SH3PXD2A: variants seen among roughly 807,000 people sequenced by gnomAD.
SH3PXD2A encodes the protein SH3 and PX domains 2A, also known as SH3 and PX domain-containing protein 2A.
In SH3PXD2A, 32 loss-of-function variants were observed where a neutral mutation model predicts 115.2. The ratio of observed to expected loss-of-function variants is 0.28; its 90% CI spans 0.21 to 0.37. The LOEUF is 0.37. SH3PXD2A is among the 10% of genes least tolerant of loss of function. SH3PXD2A has a pLI of 1.00. For synonymous variants in SH3PXD2A, 610 were observed against 629.1 expected (o/e 0.97, Z 0.45); for missense variants, 1,328 against 1,498.7 (o/e 0.89, Z 1.88).
Position 103,598,955 on chromosome 10 carries a change from T to C in SH3PXD2A, c.*2861A>G, listed in dbSNP as rs1212916025. On this transcript the variant is annotated 3_prime_UTR_variant, in exon 15 of 15. Transcript: ENST00000369774. ...GCAATCCCTGTTCACTGCCCAAATC[T>C]ACATGCTGTCACCAGATGGCAGCAT... 1 of 152,598 alleles carries C rather than the reference T, an allele frequency of 6.6e-6. No homozygotes were observed. The highest frequency in any genetic ancestry group is 6.5e-5 in the Admixed American group (1 of 15,278). 9.5% of individuals were successfully genotyped at this position (152,598 alleles called of 1,614,324 possible).
chr10:103,736,892 A>C (rs1173668769), intron 3 of SH3PXD2A: 1 of 712,034 alleles, frequency 1.4e-6, no homozygotes, highest in Non-Finnish European at 2.2e-6. Flanking sequence ...ACCCCCTAGC[A>C]ACAAAGGTAG....
chr10:103,709,432 C>T lies in SH3PXD2A; in HGVS notation c.398+14838G>A, dbSNP rs546175158. On this transcript the variant is annotated intron_variant, in intron 5 of 14. Coordinates refer to ENST00000369774, the MANE Select transcript of SH3PXD2A (RefSeq NM_001394015.1). ...AAGCCTGGGACCAGGGGCAAACCCT[C>T]CCACCTTGCCTCTCACTGGGACACA... Among the ~76,000 whole-genome samples the T allele has an allele frequency of 2.0e-3, 312 of 152,288 alleles. 2 individuals carry two copies. The highest frequency in any genetic ancestry group is 3.6e-3 in the Non-Finnish European group (247 of 68,028).
At position 103,855,492 on chromosome 10, in the gene SH3PXD2A, C is replaced by G. The variant is rs1842932590; in HGVS notation, c.-226G>C. ...CCCCGGGGGACTCCCCGCCGGCCTG[C>G]CGCGCGCCCCTTCACTCCCGCGCGG... On this transcript the variant is annotated 5_prime_UTR_variant, in exon 1 of 15. Transcript: ENST00000369774. The G allele has an allele frequency of 6.5e-6, 1 of 154,602 alleles. No homozygotes were observed. The highest frequency in any genetic ancestry group is 1.4e-5 in the Non-Finnish European group (1 of 70,740). The allele number at this position is 154,602 out of a possible 1,614,324, so 9.6% of individuals were successfully genotyped here.
intron 8 of SH3PXD2A, among the ~76,000 whole-genome samples, chr10:103,635,747 C>T (rs902809662): frequency 2.8e-5 from 4 of 142,508 alleles, no homozygotes; most frequent in African/African-American, 5.5e-5. Context: ...GTCCTTCCAT[C>T]GGGCCATGTC....
chr10:103,748,408 C>T (rs2038533445), intron 3 of SH3PXD2A, among the ~76,000 whole-genome samples: 1 of 152,196 alleles, frequency 6.6e-6, no homozygotes, highest in Non-Finnish European at 1.5e-5. Context: ...GGCCAGCTTT[C>T]CTGACGGGGT....
chr10:103,624,456 G>A (rs1243590408), intron 9 of SH3PXD2A, among the ~76,000 whole-genome samples: 3 of 152,140 alleles, frequency 2.0e-5, no homozygotes, highest in Admixed American at 6.5e-5. Flanking sequence ...GTTCACTGAA[G>A]CACCCTGCGA....
chr10:103,783,426 A>G (rs967151476), intron 2 of SH3PXD2A, among the ~76,000 whole-genome samples: 1 of 143,218 alleles, frequency 7.0e-6, no homozygotes, highest in Non-Finnish European at 1.5e-5. Context: ...ATGCAGAGGA[A>G]GAGGGCAGAT....
chr10:103,753,369 G>A (rs1253038896), intron 3 of SH3PXD2A, among the ~76,000 whole-genome samples: 1 of 147,944 alleles, frequency 6.8e-6, no homozygotes, highest in Non-Finnish European at 1.5e-5. Context: ...AGTGGTGGGC[G>A]CCTGTAATCC....
intron 5 of SH3PXD2A, among the ~76,000 whole-genome samples, chr10:103,720,015 C>T (rs1182654737): frequency 1.3e-5 from 2 of 152,170 alleles, no homozygotes; most frequent in South Asian, 2.1e-4. Flanking sequence ...CCACCGTGCC[C>T]GGCCACACTA....
intron 2 of SH3PXD2A, among the ~76,000 whole-genome samples, chr10:103,790,506 G>C (rs1043739556): frequency 6.6e-6 from 1 of 152,162 alleles, no homozygotes; most frequent in Non-Finnish European, 1.5e-5. Flanking sequence ...GAGTGAGCTA[G>C]AAGCGAGAGT....
chr10:103,627,244 AGGGTGGCAG>A lies in SH3PXD2A; in HGVS notation c.605-51_605-43del, dbSNP rs1564847878. On this transcript the variant is annotated intron_variant, in intron 8 of 14. Transcript: ENST00000369774. The surrounding 1 kb of genome is among the most constrained non-coding windows in gnomAD (Gnocchi z 4.4). ...AGAGAACAGGACTGTGAGATTCTGC[AGGGTGGCAG>A]GGGTGGCTCGGGGGCCAGGACAAGG... 1 of 1,243,278 alleles carries A rather than the reference AGGGTGGCAG, an allele frequency of 8.0e-7. No individual in the cohort carries two copies. Among genetic ancestry groups the A allele is most frequent in the Non-Finnish European group, 1.2e-6 (1 of 846,354 alleles). 77.0% of individuals were successfully genotyped at this position (1,243,278 alleles called of 1,614,324 possible).
At chr10:103,729,399 G>C (rs1040231233) in intron 4 of SH3PXD2A, among the ~76,000 whole-genome samples, 5 of 152,222 alleles carry the variant, frequency 3.3e-5, no homozygotes, top group Admixed American at 3.3e-4. Flanking sequence ...ACTGTTAATA[G>C]CTCTAACTAA....
intron 13 of SH3PXD2A, among the ~76,000 whole-genome samples, chr10:103,608,124 C>T (rs1303468886): frequency 3.5e-4 from 12 of 34,032 alleles, no homozygotes; most frequent in African/African-American, 1.6e-3. Context: ...TCCCCCTCTG[C>T]GAGAAACACC....
chr10:103,720,461 C>T (rs2038168677), intron 5 of SH3PXD2A, among the ~76,000 whole-genome samples: 1 of 152,232 alleles, frequency 6.6e-6, no homozygotes, highest in African/African-American at 2.4e-5. Context: ...ACCTCCCCCA[C>T]TGAGTCTGGG....
At chr10:103,656,707 G>A (rs2037217555) in intron 8 of SH3PXD2A, among the ~76,000 whole-genome samples, 1 of 151,778 alleles carries the variant, frequency 6.6e-6, no homozygotes, top group Non-Finnish European at 1.5e-5. Flanking sequence ...GCAGGTGCCT[G>A]TAATCCCAAC....
intron 2 of SH3PXD2A, among the ~76,000 whole-genome samples, chr10:103,769,168 GTGTGTGTGTGT>G (rs2134227354): frequency 6.6e-6 from 1 of 150,506 alleles, no homozygotes; most frequent in African/African-American, 2.5e-5. Flanking sequence ...GTGTGTGTGT[GTGTGTGTGTGT>G]GTGCGCGCGC....
In SH3PXD2A at chr10:103,758,178, G is replaced by A. The variant is rs149923812; in HGVS notation, c.229+8916C>T. Among the ~76,000 whole-genome samples, 205 of 152,320 alleles carry A rather than the reference G, an allele frequency of 1.3e-3. 1 individual carries two copies. The highest frequency in any genetic ancestry group is 4.4e-3 in the African/African-American group (183 of 41,568). ...GCTCTGGAGTGTCTTGGCTCCACAAGTCCTGTCTGCCCAGCTGTCTCTGGG... is the reference window on the plus strand; with the variant it reads ...GCTCTGGAGTGTCTTGGCTCCACAAATCCTGTCTGCCCAGCTGTCTCTGGG... On this transcript the variant is annotated intron_variant, in intron 3 of 14. Coordinates refer to ENST00000369774, the MANE Select transcript of SH3PXD2A (RefSeq NM_001394015.1).
chr10:103,794,058 C>T (rs1187921073), intron 2 of SH3PXD2A, among the ~76,000 whole-genome samples: 1 of 152,186 alleles, frequency 6.6e-6, no homozygotes, highest in Non-Finnish European at 1.5e-5. Flanking sequence ...GACATCAGTA[C>T]ACACCCACAC....
chr10:103,797,088 T>A (rs1006308400), intron 2 of SH3PXD2A, among the ~76,000 whole-genome samples: 3 of 152,142 alleles, frequency 2.0e-5, no homozygotes, highest in Non-Finnish European at 4.4e-5. Flanking sequence ...GGTCTTGAAC[T>A]ACTGAACTCC....
Sources: allele counts gnomAD v4.1 joint callset (sites outside exome capture counted in the v4.1 genomes callset), GRCh38; gene constraint gnomAD v4.1.1; non-coding constraint Gnocchi (gnomAD v3.1); transcripts MANE v1.5; gene names NCBI Gene and HGNC (gene_info 2026-07-23, HGNC 2026-07-21).